AGAP1: variants seen among roughly 807,000 people sequenced by gnomAD.
AGAP1 encodes the protein ArfGAP with GTPase domain, ankyrin repeat and PH domain 1.
AGAP1 carries 29 observed loss-of-function variants against 105.3 expected under a neutral mutation model. That is an observed-to-expected ratio of 0.28 (90% CI 0.21 to 0.38). AGAP1 has a LOEUF of 0.38. AGAP1 is among the 10% of genes least tolerant of loss of function. The probability of loss-of-function intolerance (pLI) is 1.00; values close to 1 mark genes in which losing one functional copy is unlikely to be tolerated. For synonymous variants in AGAP1, 509 were observed against 485.9 expected (o/e 1.05, Z -0.63); for missense variants, 998 against 1,165.1 (o/e 0.86, Z 2.09).
intron 16 of AGAP1, among the ~76,000 whole-genome samples, chr2:236,099,454 CAA>C (rs560831358): frequency 7.3e-6 from 1 of 137,906 alleles, no homozygotes; most frequent in African/African-American, 2.7e-5. Flanking sequence ...GACTCCGCCT[CAA>C]AAAAAAAAAG....
chr2:235,506,063 G>A (rs964318282), intron 1 of AGAP1, among the ~76,000 whole-genome samples: 6 of 151,302 alleles, frequency 4.0e-5, no homozygotes, highest in African/African-American at 9.7e-5. Flanking sequence ...CCTGAGTAGC[G>A]GGGACTACAG....
intron 17 of AGAP1, among the ~76,000 whole-genome samples, chr2:236,122,047 G>A (rs1191879107): frequency 6.6e-6 from 1 of 151,494 alleles, no homozygotes; most frequent in Non-Finnish European, 1.5e-5. Flanking sequence ...AAACTCCTGG[G>A]CTCAAGCAAT....
In AGAP1 at chr2:235,874,827, G is replaced by A. The variant is rs1029089389; in HGVS notation, c.1051-8518G>A. 1.3e-5 allele frequency among the ~76,000 whole-genome samples: 2 copies of A among 152,204 alleles called. No individual in the cohort carries two copies. Among genetic ancestry groups the A allele is most frequent in the Admixed American group, 6.5e-5 (1 of 15,280 alleles). ...AGTGTGTGTGTGCATGTGTGTGTGC[G>A]TGTGCTCTTGCACACGCTCATGGAT... On this transcript the variant is annotated intron_variant, in intron 9 of 17. Coordinates refer to ENST00000304032, the MANE Select transcript of AGAP1 (RefSeq NM_001037131.3). This position sits in a 1 kb window ranked among gnomAD's most constrained non-coding sequence, Gnocchi z 4.5.
In AGAP1 at chr2:235,549,391, C is replaced by T. The variant is rs778501590; in HGVS notation, c.163+54542C>T. On this transcript the variant is annotated intron_variant, in intron 1 of 17. Coordinates refer to ENST00000304032, the MANE Select transcript of AGAP1 (RefSeq NM_001037131.3). This position sits in a 1 kb window ranked among gnomAD's most constrained non-coding sequence, Gnocchi z 4.2. ...CTTAAGCCTCCTCCTGTCAGAGGAC[C>T]CCAGAGAGCTCCCCCAGCTACTTGG... is the stretch of plus-strand genomic sequence containing the variant. Among the ~76,000 whole-genome samples the T allele has an allele frequency of 2.6e-5, 4 of 152,062 alleles. No individual in the cohort carries two copies. The highest frequency in any genetic ancestry group is 5.9e-5 in the Non-Finnish European group (4 of 68,010).
intron 13 of AGAP1, among the ~76,000 whole-genome samples, chr2:235,975,978 T>C (rs1452334698): frequency 3.9e-5 from 6 of 152,082 alleles, no homozygotes; most frequent in African/African-American, 1.2e-4. Context: ...CAGTTCATTA[T>C]AGCAAATGTG....
At chr2:235,806,477 T>G (rs761558871) in intron 8 of AGAP1, among the ~76,000 whole-genome samples, 14 of 152,020 alleles carry the variant, frequency 9.2e-5, no homozygotes, top group Non-Finnish European at 1.8e-4. Flanking sequence ...AAGGTGCGCT[T>G]TTGGTTGGGG....
intron 1 of AGAP1, among the ~76,000 whole-genome samples, chr2:235,513,478 G>A (rs992920787): frequency 5.5e-5 from 8 of 146,408 alleles, no homozygotes; most frequent in Admixed American, 2.1e-4. Flanking sequence ...CTGAGATCGC[G>A]CCACTGTACT....
Position 235,977,605 on chromosome 2 carries a change from G to A in AGAP1, c.1645+8982G>A, listed in dbSNP as rs1449103657. 6.6e-6 allele frequency among the ~76,000 whole-genome samples: 1 copy of A among 152,162 alleles called. No individual in the cohort carries two copies. Among genetic ancestry groups the A allele is most frequent in the Non-Finnish European group, 1.5e-5 (1 of 68,034 alleles). On this transcript the variant is annotated intron_variant, in intron 13 of 17. Coordinates refer to ENST00000304032, the MANE Select transcript of AGAP1 (RefSeq NM_001037131.3). This position sits in a 1 kb window ranked among gnomAD's most constrained non-coding sequence, Gnocchi z 5.2. ...TTAGACACATGCGGCCTGGGCTTCAGGAAGTAGAGATGCCCGGGGGTTATA... is the reference window on the plus strand; with the variant it reads ...TTAGACACATGCGGCCTGGGCTTCAAGAAGTAGAGATGCCCGGGGGTTATA...
intron 1 of AGAP1, among the ~76,000 whole-genome samples, chr2:235,668,434 C>T (rs1266183899): frequency 6.6e-6 from 1 of 152,146 alleles, no homozygotes; most frequent in Non-Finnish European, 1.5e-5. Context: ...TAGCAAATCC[C>T]AAAGTAATGC....
intron 1 of AGAP1, among the ~76,000 whole-genome samples, chr2:235,543,574 G>A (rs28480469): frequency 6.6e-6 from 1 of 152,180 alleles, no homozygotes; most frequent in South Asian, 2.1e-4. Context: ...CTGGCCGGGG[G>A]TGTTTCCCCG....
Position 236,061,821 on chromosome 2 carries a change from A to C in AGAP1, c.2114+12540A>C, listed in dbSNP as rs2058203333. On this transcript the variant is annotated intron_variant, in intron 16 of 17. Coordinates refer to ENST00000304032, the MANE Select transcript of AGAP1 (RefSeq NM_001037131.3). The surrounding 1 kb of genome is among the most constrained non-coding windows in gnomAD (Gnocchi z 4.1). ...GTACATCCTTGCAAATATACTAAAA[A>C]CCACTGAGTTGTACACTTTTAAAGT... Among the ~76,000 whole-genome samples the C allele has an allele frequency of 6.6e-6, 1 of 151,786 alleles. No homozygotes were observed. Among genetic ancestry groups the C allele is most frequent in the Non-Finnish European group, 1.5e-5 (1 of 67,982 alleles).
intron 1 of AGAP1, among the ~76,000 whole-genome samples, chr2:235,680,076 A>C (rs1948979305): frequency 6.6e-6 from 1 of 152,244 alleles, no homozygotes. Flanking sequence ...ATAGTGGTTG[A>C]GCTAGCAAGT....
rs1426195078 is a variant in AGAP1, at chr2:235,569,184, G to A, written c.163+74335G>A. Among the ~76,000 whole-genome samples the A allele has an allele frequency of 4.6e-5, 7 of 152,100 alleles. No homozygotes were observed. Among genetic ancestry groups the A allele is most frequent in the Admixed American group, 2.0e-4 (3 of 15,264 alleles). ...ATAAAAATTAGCTGGGTGTGGTGGC[G>A]GGCGCCTGTAGTCCCAGCTACTTGG... On this transcript the variant is annotated intron_variant, in intron 1 of 17. Transcript: ENST00000304032. This position sits in a 1 kb window ranked among gnomAD's most constrained non-coding sequence, Gnocchi z 5.9.
chr2:236,026,550 G>A (rs1005698423), intron 13 of AGAP1, among the ~76,000 whole-genome samples: 8 of 152,274 alleles, frequency 5.3e-5, no homozygotes, highest in African/African-American at 1.4e-4. Context: ...CCAACATGGC[G>A]AAACCTCAGC....
chr2:235,670,539 C>T (rs1236810876), intron 1 of AGAP1: 7 of 482,820 alleles, frequency 1.4e-5, no homozygotes, highest in South Asian at 3.3e-5. Flanking sequence ...GCCCGGGCCG[C>T]GCCCCTGCGG....
Position 235,971,423 on chromosome 2 carries a change from G to A in AGAP1, c.1645+2800G>A, listed in dbSNP as rs1046357427. Among the ~76,000 whole-genome samples, 15 of 152,160 alleles carry A rather than the reference G, an allele frequency of 9.9e-5. No individual in the cohort carries two copies. The highest frequency in any genetic ancestry group is 1.5e-4 in the Non-Finnish European group (10 of 68,034). ...CCAAATTAAACATTCTGTTCTGGCC[G>A]GGCACAGTGGCTCACGCCTGTTATC... is the stretch of plus-strand genomic sequence containing the variant. On this transcript the variant is annotated intron_variant, in intron 13 of 17. Coordinates refer to ENST00000304032, the MANE Select transcript of AGAP1 (RefSeq NM_001037131.3). This position sits in a 1 kb window ranked among gnomAD's most constrained non-coding sequence, Gnocchi z 4.8.
chr2:235,922,041 C>A (rs1001840947), intron 11 of AGAP1, among the ~76,000 whole-genome samples: 2 of 152,202 alleles, frequency 1.3e-5, no homozygotes, highest in African/African-American at 4.8e-5. Flanking sequence ...TGACTGTTAA[C>A]GTCGCCTCCT....
chr2:235,867,536 AGTGT>A lies in AGAP1; in HGVS notation c.1051-15773_1051-15770del, dbSNP rs61257818. Among the ~76,000 whole-genome samples, 2,331 of 123,288 alleles carry A rather than the reference AGTGT, an allele frequency of 0.019. 53 individuals carry two copies. Among genetic ancestry groups the A allele is most frequent in the African/African-American group, 0.051 (1,791 of 35,090 alleles). The allele number at this position is 123,288 out of a possible 152,430, so 80.9% of individuals were successfully genotyped here. On this transcript the variant is annotated intron_variant, in intron 9 of 17. Coordinates refer to ENST00000304032, the MANE Select transcript of AGAP1 (RefSeq NM_001037131.3). This position sits in a 1 kb window ranked among gnomAD's most constrained non-coding sequence, Gnocchi z 5.4. ...ATCATACACCTTATGCTGGTGCTGC[AGTGT>A]GTGTGTGTGTGTGTGTGTGTGTGTG...
chr2:235,782,324 C>T (rs1483868016), intron 6 of AGAP1, among the ~76,000 whole-genome samples: 1 of 151,796 alleles, frequency 6.6e-6, no homozygotes, highest in Non-Finnish European at 1.5e-5. Context: ...ATGTCTTTAC[C>T]ATCTTTCTCA....
Sources: gnomAD v4.1 joint callset for allele counts (sites outside exome capture counted in the v4.1 genomes callset) on GRCh38, gnomAD v4.1.1 for gene constraint, Gnocchi (gnomAD v3.1) non-coding constraint, MANE v1.5 for transcripts, NCBI Gene and HGNC (gene_info 2026-07-23, HGNC 2026-07-21) for gene names.